RPGRIP1: variants seen among roughly 807,000 people sequenced by gnomAD.
The protein encoded by RPGRIP1 is RPGR interacting protein 1.
RPGRIP1 carries 128 observed loss-of-function variants against 157.9 expected under a neutral mutation model. The ratio of observed to expected loss-of-function variants is 0.81; its 90% confidence interval spans 0.70 to 0.94. The LOEUF (loss-of-function observed/expected upper bound fraction) is 0.94, where lower values mean the gene tolerates loss of function less well. RPGRIP1 is among the 40% of genes least tolerant of loss of function. The pLI is 0.00. For missense variants in RPGRIP1, 1,486 were observed against 1,545.8 expected (o/e 0.96, Z 0.65); for synonymous variants, 554 against 571.6 (o/e 0.97, Z 0.44).
chr14:21,310,837 T>C, intron 8 of RPGRIP1: 1 of 680,898 alleles, frequency 1.5e-6, no homozygotes. Flanking sequence ...TTGAGAAATA[T>C]TTGGCATGGT....
rs763974550 is a variant in RPGRIP1 at position 21,351,137 on chromosome 14, G to C, written c.3782G>C (p.Gly1261Ala). The change falls in exon 25 of 25, where the codon GGA becomes GCA. Residue 1261 changes from glycine (G) to alanine (A), a missense_variant. Physicochemically the swap from Gly to Ala is moderately conservative, Grantham distance 60 (BLOSUM62 0). Coordinates refer to ENST00000400017, the MANE Select transcript of RPGRIP1 (RefSeq NM_020366.4). ...CCTGAAGATCTGGCTACCCCAATAG[G>C]AAGGCTGAAGGTTTCCCTTCAAGCA... The part of the protein sequence containing the change: ...VSPEDLATPI[G>A]RLKVSLQAAA... 6 of 1,612,224 alleles carry C rather than the reference G, an allele frequency of 3.7e-6. No homozygotes were observed. In the South Asian group the frequency reaches 6.6e-5, roughly 18 times the overall value.
chr14:21,346,022 T>C (rs1452950881), intron 23 of RPGRIP1, among the ~76,000 whole-genome samples: 3 of 152,124 alleles, frequency 2.0e-5, no homozygotes, highest in Non-Finnish European at 4.4e-5. Context: ...TTTTGCCATG[T>C]TGGCCAGGCT....
chr14:21,349,399 CTT>C (rs71112577), intron 24 of RPGRIP1, among the ~76,000 whole-genome samples: 145 of 81,984 alleles, frequency 1.8e-3, no homozygotes, highest in Middle Eastern at 8.6e-3. Context: ...TAATTTCTTT[CTT>C]TTTTTTTTTT....
intron 22 of RPGRIP1, among the ~76,000 whole-genome samples, chr14:21,343,885 T>G (rs1432125646): frequency 4.0e-5 from 3 of 74,418 alleles, no homozygotes; most frequent in African/African-American, 1.4e-4. Context: ...TTTTTTTTTT[T>G]TTTTTTTTTT....
intron 2 of RPGRIP1, 52 bp downstream of exon 2, chr14:21,288,113 C>A: frequency 8.7e-7 from 1 of 1,147,084 alleles, no homozygotes; most frequent in Non-Finnish European, 1.3e-6. Context: ...AGAACTCTCA[C>A]TGTGGAACAT....
intron 10 of RPGRIP1, among the ~76,000 whole-genome samples, chr14:21,316,360 CCTT>C (rs1193368737): frequency 1.3e-5 from 2 of 151,744 alleles, no homozygotes; most frequent in Admixed American, 6.6e-5. Flanking sequence ...AATCTGCCCA[CCTT>C]GACCTCCCAA....
rs34295767 is a variant in RPGRIP1, at chr14:21,303,794, C to T, written c.800+251C>T. Reference sequence around the variant, plus strand: ...CTGAGGTCAGGAGTTCGAGACCAGCCTCGCCAACATGGAGAAACCCTGTCT... The same window carrying T: ...CTGAGGTCAGGAGTTCGAGACCAGCTTCGCCAACATGGAGAAACCCTGTCT... On this transcript the variant is annotated intron_variant, in intron 6 of 24. Transcript: ENST00000400017. Among the ~76,000 whole-genome samples, 2,435 of 151,722 alleles carry T rather than the reference C, an allele frequency of 0.016. 63 individuals carry two copies. Among genetic ancestry groups the T allele is most frequent in the African/African-American group, 0.055 (2,276 of 41,334 alleles).
rs536953737 is a variant in RPGRIP1 at position 21,321,243 on chromosome 14, G to A, written c.1468-16G>A. On this transcript the variant is annotated splice_polypyrimidine_tract_variant and intron_variant, in intron 12 of 24. Coordinates refer to ENST00000400017, the MANE Select transcript of RPGRIP1 (RefSeq NM_020366.4). ...CATATTTATACTCCCTTTTACCAAT[G>A]CGTTTCCCTCTACAGCCAAGTGAAC... 35 of 1,607,322 alleles carry A rather than the reference G, an allele frequency of 2.2e-5. No homozygotes were observed. In the South Asian group the frequency reaches 3.6e-4, roughly 16 times the overall value.
In RPGRIP1 at chr14:21,330,354, C is replaced by T; in HGVS notation, c.3205C>T (p.Leu1069=). ...EEEMTLSHSA[L]KQKEPLHPVN... Reference sequence around the variant, plus strand: ...GGAAATGACATTATCCCATTCAGCACTGAAACAGAAGGAACCTCTACATCC... The same window carrying T: ...GGAAATGACATTATCCCATTCAGCATTGAAACAGAAGGAACCTCTACATCC... The change falls in exon 20 of 25, where the codon CTG becomes TTG. Residue 1069 remains leucine, a synonymous_variant. Transcript: ENST00000400017. The T allele has an allele frequency of 6.4e-7, 1 of 1,571,826 alleles. No homozygotes were observed. The highest frequency in any genetic ancestry group is 8.6e-7 in the Non-Finnish European group (1 of 1,163,854).
intron 13 of RPGRIP1, 146 bp downstream of exon 13, chr14:21,321,548 G>T: frequency 7.0e-7 from 1 of 1,426,568 alleles, no homozygotes. Context: ...GCTGTCCTTT[G>T]AAGAACTTGA....
At chr14:21,301,305 T>C in intron 4 of RPGRIP1, 68 bp downstream of exon 4, 2 of 1,483,308 alleles carry the variant, frequency 1.3e-6, no homozygotes, top group African/African-American at 2.8e-5. Context: ...CAGCCACGTT[T>C]TCCTCACTGC....
intron 8 of RPGRIP1, among the ~76,000 whole-genome samples, chr14:21,311,478 G>A (rs1297871679): frequency 6.6e-6 from 1 of 152,294 alleles, no homozygotes; most frequent in East Asian, 1.9e-4. Flanking sequence ...CTTGAACCCG[G>A]TAGGCAGAGG....
intron 1 of RPGRIP1, among the ~76,000 whole-genome samples, chr14:21,281,255 C>G (rs1346529113): frequency 6.6e-6 from 1 of 152,204 alleles, no homozygotes; most frequent in East Asian, 1.9e-4. Flanking sequence ...ATCTCTTGAT[C>G]TTGTGATCTG....
At chr14:21,345,026 C>T in intron 22 of RPGRIP1, 87 bp from the exon 23 acceptor site, 3 of 847,796 alleles carry the variant, frequency 3.5e-6, no homozygotes, top group Non-Finnish European at 6.0e-6. Context: ...TTTATGAAAA[C>T]TACCATGAAT....
At position 21,342,693 on chromosome 14, in the gene RPGRIP1, C is replaced by G. The variant is rs185420697; in HGVS notation, c.3340-343C>G. ...ACATTGTTCCCACCAAGCAACCTCC[C>G]ATCATCCACCCTCCCCGCCGCTCCG... On this transcript the variant is annotated intron_variant, in intron 21 of 24. Coordinates refer to ENST00000400017, the MANE Select transcript of RPGRIP1 (RefSeq NM_020366.4). Among the ~76,000 whole-genome samples, 597 of 152,206 alleles carry G rather than the reference C, an allele frequency of 3.9e-3. 1 individual carries two copies. The highest frequency in any genetic ancestry group is 7.1e-3 in the Non-Finnish European group (484 of 68,012).
intron 24 of RPGRIP1, among the ~76,000 whole-genome samples, chr14:21,350,733 T>TA (rs1249764267): frequency 6.6e-6 from 1 of 152,182 alleles, no homozygotes; most frequent in Non-Finnish European, 1.5e-5. Context: ...CAAGTGACGT[T>TA]ATCTTTGTGG....
At chr14:21,322,221 G>A (rs374349725) in intron 14 of RPGRIP1, among the ~76,000 whole-genome samples, 2 of 151,962 alleles carry the variant, frequency 1.3e-5, no homozygotes, top group Non-Finnish European at 1.5e-5. Context: ...GCAGTGGTGC[G>A]ATCTTGGCTC....
chr14:21,309,143 A>G (rs963835661), intron 7 of RPGRIP1, among the ~76,000 whole-genome samples: 7 of 152,174 alleles, frequency 4.6e-5, no homozygotes, highest in African/African-American at 1.7e-4. Context: ...GGACGAGAAA[A>G]CTTTCCAAGG....
Position 21,327,701 on chromosome 14 carries a change from T to C in RPGRIP1, c.2789T>C (p.Ile930Thr). 1.2e-6 allele frequency: 2 copies of C among 1,613,866 alleles called. No individual in the cohort carries two copies. Among genetic ancestry groups the C allele is most frequent in the Non-Finnish European group, 1.7e-6 (2 of 1,179,812 alleles). Residue 930 changes from isoleucine (I) to threonine (T), a missense_variant, in exon 18 of 25, where the codon ATA (isoleucine) becomes ACA (threonine). By Grantham distance (89) the Ile-to-Thr change is moderately conservative. Transcript: ENST00000400017. Reference sequence around the variant, plus strand: ...CAACTGGATTGGAAGTTTCCCTACATACCCCCTGAGAGCTTCCTGAAACCA... The same window carrying C: ...CAACTGGATTGGAAGTTTCCCTACACACCCCCTGAGAGCTTCCTGAAACCA... Reference protein sequence around the residue: ...QVQLDWKFPYIPPESFLKPEA... With the variant: ...QVQLDWKFPYTPPESFLKPEA...
Sources: gnomAD v4.1 joint callset for allele counts (sites outside exome capture counted in the v4.1 genomes callset) on GRCh38, gnomAD v4.1.1 for gene constraint, MANE v1.5 for transcripts, NCBI Gene and HGNC (gene_info 2026-07-23, HGNC 2026-07-21) for gene names.